Variants in CDH12 observed in about 807,000 individuals in gnomAD.
The protein encoded by CDH12 is cadherin 12.
In CDH12, 41 loss-of-function variants were observed where a neutral mutation model predicts 74.1. The observed-to-expected ratio is 0.55, with a 90% CI of 0.43 to 0.72. The LOEUF (loss-of-function observed/expected upper bound fraction) is 0.72, where lower values mean the gene tolerates loss of function less well. Among genes scored for constraint, CDH12 ranks in the 30% least tolerant of loss-of-function variants. The pLI is 0.00. For synonymous variants in CDH12, 399 were observed against 355.0 expected, an observed-to-expected ratio of 1.12 and a Z score of -1.39; for missense variants, 945 against 977.2, an observed-to-expected ratio of 0.97 and a Z score of 0.44.
At chr5:22,488,973 T>TA (rs1161946860) in intron 2 of CDH12, among the ~76,000 whole-genome samples, 1 of 151,656 alleles carries the variant, frequency 6.6e-6, no homozygotes, top group Admixed American at 6.6e-5. Flanking sequence ...ATCTGATTTT[T>TA]AAAAATCCTG....
rs369017516 is a variant in CDH12 at position 22,314,026 on chromosome 5, G to A, written c.-333+91231C>T. Among the ~76,000 whole-genome samples, 9 of 152,284 alleles carry A rather than the reference G, an allele frequency of 5.9e-5. 1 individual carries two copies. The highest frequency in any genetic ancestry group is 4.6e-4 in the Admixed American group (7 of 15,304). ...AATGTATGGTAGGGCTAGGGTTGAC[G>A]GCAGAAAGTGGAAAGTATTAGAAGA... On this transcript the variant is annotated intron_variant, in intron 3 of 14. Coordinates refer to ENST00000382254, the MANE Select transcript of CDH12 (RefSeq NM_004061.5).
intron 4 of CDH12, among the ~76,000 whole-genome samples, chr5:22,111,647 C>T (rs1288322768): frequency 6.6e-6 from 1 of 152,276 alleles, no homozygotes; most frequent in South Asian, 2.1e-4. Context: ...TTTTCCAACA[C>T]TTTGCATGGT....
rs1166731737 is a variant in CDH12, at chr5:22,432,100, T to G, written c.-427-26749A>C. On this transcript the variant is annotated intron_variant, in intron 2 of 14. Coordinates refer to ENST00000382254, the MANE Select transcript of CDH12 (RefSeq NM_004061.5). ...AACTGCCAGTTTTGCAAGTTGCATTTACAATAAGTGCGGTATTGAAGTGTA... is the reference window on the plus strand; with the variant it reads ...AACTGCCAGTTTTGCAAGTTGCATTGACAATAAGTGCGGTATTGAAGTGTA... Among the ~76,000 whole-genome samples, 4 of 152,156 alleles carry G rather than the reference T, an allele frequency of 2.6e-5. No individual in the cohort carries two copies. In the East Asian group the frequency reaches 5.8e-4, roughly 22 times the overall value.
intron 6 of CDH12, among the ~76,000 whole-genome samples, chr5:21,913,434 G>T (rs1004685030): frequency 6.6e-6 from 1 of 151,930 alleles, no homozygotes; most frequent in African/African-American, 2.4e-5. Flanking sequence ...TATCTTCTGG[G>T]AAAGAAAAAG....
At chr5:22,505,645 A>G (rs1736353736) in intron 1 of CDH12, among the ~76,000 whole-genome samples, 1 of 152,046 alleles carries the variant, frequency 6.6e-6, no homozygotes, top group African/African-American at 2.4e-5. Flanking sequence ...ATATTGATAC[A>G]TTATTGAGTT....
intron 5 of CDH12, among the ~76,000 whole-genome samples, chr5:21,979,015 C>T (rs1757191434): frequency 6.6e-6 from 1 of 152,102 alleles, no homozygotes; most frequent in African/African-American, 2.4e-5. Context: ...ATAAAAAGAA[C>T]TCATAGTCTT....
intron 1 of CDH12, among the ~76,000 whole-genome samples, chr5:22,667,615 G>T (rs533842149): frequency 6.6e-6 from 1 of 152,248 alleles, no homozygotes; most frequent in Non-Finnish European, 1.5e-5. Flanking sequence ...AAGTCTAAGT[G>T]ATACTAAACA....
intron 5 of CDH12, among the ~76,000 whole-genome samples, chr5:21,979,338 C>T (rs1757207847): frequency 6.6e-6 from 1 of 152,084 alleles, no homozygotes; most frequent in Non-Finnish European, 1.5e-5. Context: ...TAGAAATAGG[C>T]ACTGTCCAGG....
At chr5:22,419,513 G>C (rs914584147) in intron 2 of CDH12, among the ~76,000 whole-genome samples, 1 of 152,124 alleles carries the variant, frequency 6.6e-6, no homozygotes, top group Non-Finnish European at 1.5e-5. Flanking sequence ...GTATTCCATG[G>C]TGTATATGTA....
intron 6 of CDH12, among the ~76,000 whole-genome samples, chr5:21,878,703 G>A (rs1344644038): frequency 6.6e-6 from 1 of 151,356 alleles, no homozygotes; most frequent in Non-Finnish European, 1.5e-5. Flanking sequence ...TCCTGCCACT[G>A]CACTCCATCT....
At chr5:22,244,262 G>A (rs1317238768) in intron 3 of CDH12, among the ~76,000 whole-genome samples, 1 of 151,978 alleles carries the variant, frequency 6.6e-6, no homozygotes, top group Non-Finnish European at 1.5e-5. Flanking sequence ...GGCCAAGGTG[G>A]GTGGATCACC....
intron 3 of CDH12, among the ~76,000 whole-genome samples, chr5:22,344,261 A>G (rs1322351528): frequency 6.6e-6 from 1 of 152,152 alleles, no homozygotes; most frequent in Non-Finnish European, 1.5e-5. Flanking sequence ...TAAGGAAATC[A>G]TGTTTGTTTT....
intron 1 of CDH12, among the ~76,000 whole-genome samples, chr5:22,559,349 T>C (rs1024022287): frequency 1.7e-4 from 26 of 152,046 alleles, no homozygotes; most frequent in African/African-American, 6.0e-4. Flanking sequence ...ATGCATACTT[T>C]ACCTCAGCGA....
rs1294914489 is a variant in CDH12 at position 21,751,750 on chromosome 5, T to A, written c.2372A>T (p.Asp791Val). 1 of 1,611,960 alleles carries A rather than the reference T, an allele frequency of 6.2e-7. No individual in the cohort carries two copies. The highest frequency in any genetic ancestry group is 8.5e-7 in the Non-Finnish European group (1 of 1,179,088). Residue 791 changes from aspartate to valine, a missense_variant, in exon 15 of 15, where the codon GAT becomes GTT. This residue lies in a region of CDH12 where 791 missense variants were observed against 792.8 expected (regional missense o/e 1.00). Transcript: ENST00000382254. ...TCCACGACTCCCTTAAGTGACTTTATCAGGGTTATAACTCTCTTCTTCGCC... is the reference window on the plus strand; with the variant it reads ...TCCACGACTCCCTTAAGTGACTTTAACAGGGTTATAACTCTCTTCTTCGCC... Reference protein sequence around the residue: ...MFGEEESYNPDKVT With the variant: ...MFGEEESYNPVKVT
intron 8 of CDH12, among the ~76,000 whole-genome samples, chr5:21,822,451 G>T (rs984349311): frequency 6.6e-6 from 1 of 151,906 alleles, no homozygotes; most frequent in African/African-American, 2.4e-5. Flanking sequence ...TTTTGGTGGT[G>T]GAAGAACATT....
intron 5 of CDH12, among the ~76,000 whole-genome samples, chr5:22,039,181 G>A (rs961694966): frequency 2.0e-5 from 3 of 151,982 alleles, no homozygotes; most frequent in African/African-American, 7.2e-5. Flanking sequence ...ATAACCCTTG[G>A]ATCTGAGTTG....
At chr5:21,942,732 G>A (rs1313042733) in intron 6 of CDH12, among the ~76,000 whole-genome samples, 1 of 152,032 alleles carries the variant, frequency 6.6e-6, no homozygotes, top group Non-Finnish European at 1.5e-5. Context: ...CTTTTCTGTG[G>A]AGGTTTAAGT....
chr5:22,344,160 C>T (rs996032605), intron 3 of CDH12, among the ~76,000 whole-genome samples: 10 of 152,094 alleles, frequency 6.6e-5, no homozygotes, highest in Non-Finnish European at 1.0e-4. Flanking sequence ...CTGTCATAGG[C>T]GAAAATTGGG....
At chr5:22,296,578 T>C (rs955695558) in intron 3 of CDH12, among the ~76,000 whole-genome samples, 2 of 152,216 alleles carry the variant, frequency 1.3e-5, no homozygotes, top group African/African-American at 4.8e-5. Flanking sequence ...AAAGTCAGTA[T>C]TGAACTTACT....
Sources: gnomAD v4.1 joint callset for allele counts (sites outside exome capture counted in the v4.1 genomes callset) on GRCh38, gnomAD v4.1.1 for gene constraint, gnomAD v4.1.1 regional missense constraint, MANE v1.5 for transcripts, NCBI Gene and HGNC (gene_info 2026-07-23, HGNC 2026-07-21) for gene names.